The following GORASP1 variants were observed in gnomAD, a reference collection of about 807,000 sequenced individuals.
The protein encoded by GORASP1 is golgi reassembly stacking protein 1.
A neutral mutation model predicts 37.7 loss-of-function variants in GORASP1; 31 were observed. The ratio of observed to expected loss-of-function variants is 0.82; its 90% CI spans 0.62 to 1.11. The LOEUF (loss-of-function observed/expected upper bound fraction) is 1.11. Ranked by LOEUF, GORASP1 falls within the 50% of genes least tolerant of loss-of-function variation. The pLI is 0.00. For synonymous variants in GORASP1, 204 were observed against 224.8 expected (o/e 0.91, Z 0.83); for missense variants, 476 against 560.7 (o/e 0.85, Z 1.53).
Position 39,098,897 on chromosome 3 carries a change from G to C in GORASP1, c.917-4C>G, listed in dbSNP as rs367684622. On this transcript the variant is annotated splice_region_variant and splice_polypyrimidine_tract_variant and intron_variant, in intron 7 of 8. Transcript: ENST00000319283. This position sits in a 1 kb window ranked among gnomAD's most constrained non-coding sequence, Gnocchi z 4.7. Reference sequence around the variant, plus strand: ...ATTCCCGACACGTCCAGGAAGCCTAGGGGAGGGTGGTGCAGTTCTTTGCCA... The same window carrying C: ...ATTCCCGACACGTCCAGGAAGCCTACGGGAGGGTGGTGCAGTTCTTTGCCA... 9 of 1,613,636 alleles carry C rather than the reference G, an allele frequency of 5.6e-6. No individual in the cohort carries two copies. The highest frequency in any genetic ancestry group is 1.6e-4 in the Middle Eastern group (1 of 6,080).
In GORASP1 at chr3:39,098,686, T is replaced by C. The variant is rs2035497373; in HGVS notation, c.1069+55A>G. The C allele has an allele frequency of 6.3e-7, 1 of 1,589,538 alleles. No homozygotes were observed. The highest frequency in any genetic ancestry group is 8.6e-7 in the Non-Finnish European group (1 of 1,167,120). On this transcript the variant is annotated intron_variant, in intron 8 of 8. Coordinates refer to ENST00000319283, the MANE Select transcript of GORASP1 (RefSeq NM_031899.4). This position sits in a 1 kb window ranked among gnomAD's most constrained non-coding sequence, Gnocchi z 4.7. ...CCCAGCTGAGGAATTGAGGGCAGCCTTCCCAACAACCCGGGGTCCTTCCCA... is the reference window on the plus strand; with the variant it reads ...CCCAGCTGAGGAATTGAGGGCAGCCCTCCCAACAACCCGGGGTCCTTCCCA...
Position 39,107,465 on chromosome 3 carries a change from C to A in GORASP1, c.63+14G>T. The A allele has an allele frequency of 7.4e-7, 1 of 1,342,860 alleles. No individual in the cohort carries two copies. Among genetic ancestry groups the A allele is most frequent in the Non-Finnish European group, 9.5e-7 (1 of 1,053,000 alleles). The allele number at this position is 1,342,860 out of a possible 1,614,324, so 83.2% of individuals were successfully genotyped here. Reference sequence around the variant, plus strand: ...CGCCTCGCCAAGGTCACCGGCGCCGCGGCGGCAACTCACCCCGTGGAGGTG... The same window carrying A: ...CGCCTCGCCAAGGTCACCGGCGCCGAGGCGGCAACTCACCCCGTGGAGGTG... On this transcript the variant is annotated intron_variant, in intron 1 of 8. Transcript: ENST00000319283.
chr3:39,099,319 T>TG, intron 7 of GORASP1, 34 bp downstream of exon 7: 3 of 1,612,202 alleles, frequency 1.9e-6, no homozygotes, highest in Non-Finnish European at 2.5e-6. Context: ...GCCCCAAGCC[T>TG]GGGGCCCACT....
chr3:39,100,740 G>T lies in GORASP1; in HGVS notation c.566+7C>A, dbSNP rs549863051. 8 of 1,613,030 alleles carry T rather than the reference G, an allele frequency of 5.0e-6. No individual in the cohort carries two copies. In the Admixed American group the frequency reaches 8.3e-5, roughly 17 times the overall value. ...TGGCCCTGCAGCCCTCCAACCCCAC[G>T]AAGTACCTGCCCTCTCCACCCCAGG... On this transcript the variant is annotated splice_region_variant and intron_variant, in intron 5 of 8. Coordinates refer to ENST00000319283, the MANE Select transcript of GORASP1 (RefSeq NM_031899.4). The surrounding 1 kb of genome is among the most constrained non-coding windows in gnomAD (Gnocchi z 4.6).
rs1367235133 is a variant in GORASP1, at chr3:39,100,031, C to T, written c.765+274G>A. On this transcript the variant is annotated intron_variant, in intron 6 of 8. Transcript: ENST00000319283. The surrounding 1 kb of genome is among the most constrained non-coding windows in gnomAD (Gnocchi z 4.6). ...GTCCAGTTTTGCCACAACTCACAGG[C>T]ACAGCAAGCACCCATCTCTGAGCCT... Among the ~76,000 whole-genome samples, 1 of 152,226 alleles carries T rather than the reference C, an allele frequency of 6.6e-6. No homozygotes were observed. Among genetic ancestry groups the T allele is most frequent in the Non-Finnish European group, 1.5e-5 (1 of 68,044 alleles).
In GORASP1 at chr3:39,096,694, TTTG is replaced by T. The variant is rs2035364233; in HGVS notation, c.*1539_*1541del. ...AAAGTGTAGTACACATTTATTTTCA[TTTG>T]TTATTTTCTTTCATAGCAGATTACA... is the stretch of plus-strand genomic sequence containing the variant. On this transcript the variant is annotated 3_prime_UTR_variant, in exon 9 of 9. Coordinates refer to ENST00000319283, the MANE Select transcript of GORASP1 (RefSeq NM_031899.4). The T allele has an allele frequency of 6.6e-6, 1 of 152,346 alleles. No homozygotes were observed. The highest frequency in any genetic ancestry group is 2.1e-4 in the South Asian group (1 of 4,828). The allele number at this position is 152,346 out of a possible 1,614,324, so 9.4% of individuals were successfully genotyped here.
chr3:39,106,882 G>A, intron 1 of GORASP1: 1 of 291,076 alleles, frequency 3.4e-6, no homozygotes, highest in Non-Finnish European at 7.1e-6. Context: ...CTCCCCAGCT[G>A]CAAACGCTCT....
In GORASP1 at chr3:39,100,548, C is replaced by A; in HGVS notation, c.567-45G>T. ...TTCAATCCAGGGGCTTGTCCCACGG[C>A]CCTCCCTACCTTTGCTATCCCCACC... is the stretch of plus-strand genomic sequence containing the variant. On this transcript the variant is annotated intron_variant, in intron 5 of 8. Coordinates refer to ENST00000319283, the MANE Select transcript of GORASP1 (RefSeq NM_031899.4). This position sits in a 1 kb window ranked among gnomAD's most constrained non-coding sequence, Gnocchi z 4.6. 1 of 1,517,986 alleles carries A rather than the reference C, an allele frequency of 6.6e-7. No individual in the cohort carries two copies. Among genetic ancestry groups the A allele is most frequent in the Non-Finnish European group, 8.8e-7 (1 of 1,132,708 alleles). The allele number at this position is 1,517,986 out of a possible 1,614,324, so 94.0% of individuals were successfully genotyped here. A position where few individuals can be genotyped will look rare whatever the true frequency, so the allele number is the denominator to read the frequency against.
rs567395907 is a variant in GORASP1, at chr3:39,098,349, C to T, written c.1210G>A (p.Ala404Thr). 9 of 1,614,160 alleles carry T rather than the reference C, an allele frequency of 5.6e-6. No homozygotes were observed. The highest frequency in any genetic ancestry group is 4.5e-5 in the East Asian group (2 of 44,878). ...TCAGCCTGAGCTTCAAGCAGCTCGG[C>T]GGACAGCCCATCTTCTGGTGAGGCT... ...SAASPEDGLS[A>T]ELLEAQAEEE... Residue 404 changes from alanine (A) to threonine (T), a missense_variant, in exon 9 of 9, where the codon GCC becomes ACC. By Grantham distance (58) the Ala-to-Thr change is moderately conservative. Transcript: ENST00000319283. The surrounding 1 kb of genome is among the most constrained non-coding windows in gnomAD (Gnocchi z 4.7).
At chr3:39,107,342 G>C in intron 1 of GORASP1, 137 bp downstream of exon 1, 1 of 517,752 alleles carries the variant, frequency 1.9e-6, no homozygotes. Flanking sequence ...CACCGGGCAG[G>C]GGGCACCTCC....
At position 39,100,531 on chromosome 3, in the gene GORASP1, A is replaced by G. The variant is rs2035630265; in HGVS notation, c.567-28T>C. On this transcript the variant is annotated intron_variant, in intron 5 of 8. Transcript: ENST00000319283. The surrounding 1 kb of genome is among the most constrained non-coding windows in gnomAD (Gnocchi z 4.6). ...GCCGAAGGCCAGAAACATTCAATCC[A>G]GGGGCTTGTCCCACGGCCCTCCCTA... The G allele has an allele frequency of 6.5e-7, 1 of 1,539,142 alleles. No homozygotes were observed. Among genetic ancestry groups the G allele is most frequent in the Non-Finnish European group, 8.7e-7 (1 of 1,144,602 alleles).
rs1405219034 is a variant in GORASP1 at position 39,105,798 on chromosome 3, G to A, written c.63+1681C>T. 3.9e-5 allele frequency among the ~76,000 whole-genome samples: 6 copies of A among 152,086 alleles called. No homozygotes were observed. The highest frequency in any genetic ancestry group is 2.6e-4 in the Admixed American group (4 of 15,278). ...CAGGACAACAGGCAAGGTCCTACAC[G>A]GTCTGCTCTGGTCTCCTCCTCACAC... On this transcript the variant is annotated intron_variant, in intron 1 of 8. Coordinates refer to ENST00000319283, the MANE Select transcript of GORASP1 (RefSeq NM_031899.4). The surrounding 1 kb of genome is among the most constrained non-coding windows in gnomAD (Gnocchi z 5.4).
rs1203083192 is a variant in GORASP1, at chr3:39,097,675, G to C, written c.*561C>G. On this transcript the variant is annotated 3_prime_UTR_variant, in exon 9 of 9. Coordinates refer to ENST00000319283, the MANE Select transcript of GORASP1 (RefSeq NM_031899.4). ...AGGAAGAAGAAATATTGTGGTCTGG[G>C]CACAAATGGGTCTCTGCTGAAGGGC... is the stretch of plus-strand genomic sequence containing the variant. 1 of 152,756 alleles carries C rather than the reference G, an allele frequency of 6.5e-6. No individual in the cohort carries two copies. The highest frequency in any genetic ancestry group is 1.5e-5 in the Non-Finnish European group (1 of 68,534). The allele number at this position is 152,756 out of a possible 1,614,324, so 9.5% of individuals were successfully genotyped here. A position where few individuals can be genotyped will look rare whatever the true frequency, so the allele number is the denominator to read the frequency against.
At chr3:39,106,368 C>T (rs2036091366) in intron 1 of GORASP1, among the ~76,000 whole-genome samples, 1 of 152,142 alleles carries the variant, frequency 6.6e-6, no homozygotes, top group South Asian at 2.1e-4. Flanking sequence ...TCCTGAGTTC[C>T]TTTGCCTTTA....
chr3:39,101,038 C>A lies in GORASP1; in HGVS notation c.413G>T (p.Gly138Val). ...GLRPYTDYVV[G>V]SDQILQESED... ...CACCTCCTGGAGAATCTGGTCCGAA[C>A]CAACCACATAGTCTGTGTAGGGGCG... The change falls in exon 4 of 9, where the codon GGT (glycine) becomes GTT (valine). Residue 138 changes from glycine (G) to valine (V), a missense_variant. Physicochemically the swap from Gly to Val is moderately radical, Grantham distance 109. Transcript: ENST00000319283. The A allele has an allele frequency of 6.2e-7, 1 of 1,614,178 alleles. No individual in the cohort carries two copies. Among genetic ancestry groups the A allele is most frequent in the South Asian group, 1.1e-5 (1 of 91,088 alleles).
chr3:39,101,669 T>C, intron 3 of GORASP1: 2 of 430,728 alleles, frequency 4.6e-6, no homozygotes, highest in East Asian at 7.1e-5. Context: ...CCAGTCTCCC[T>C]GGGAAATGCA....
In GORASP1 at chr3:39,098,587, G is replaced by A. The variant is rs753236115; in HGVS notation, c.1070-98C>T. On this transcript the variant is annotated intron_variant, in intron 8 of 8. Coordinates refer to ENST00000319283, the MANE Select transcript of GORASP1 (RefSeq NM_031899.4). The surrounding 1 kb of genome is among the most constrained non-coding windows in gnomAD (Gnocchi z 4.7). The stretch of plus-strand genomic sequence containing the variant: ...CCGACCGCTCCCCATTGCCACTCCA[G>A]GTTTGATGGGGGATTGGAGATGGAG... 22 of 1,510,348 alleles carry A rather than the reference G, an allele frequency of 1.5e-5. No individual in the cohort carries two copies. Among genetic ancestry groups the A allele is most frequent in the Non-Finnish European group, 1.9e-5 (21 of 1,118,256 alleles). The allele number at this position is 1,510,348 out of a possible 1,614,324, so 93.6% of individuals were successfully genotyped here.
chr3:39,106,637 G>A (rs1331538855), intron 1 of GORASP1, among the ~76,000 whole-genome samples: 1 of 152,114 alleles, frequency 6.6e-6, no homozygotes, highest in East Asian at 1.9e-4. Context: ...CTTTCACTAG[G>A]GAAAGGGGGG....
chr3:39,102,543 C>A lies in GORASP1; in HGVS notation c.348+135G>T. The A allele has an allele frequency of 1.2e-6, 1 of 815,666 alleles. No individual in the cohort carries two copies. 50.5% of individuals were successfully genotyped at this position (815,666 alleles called of 1,614,324 possible). ...CTGGAATGAGACCACATCCTGCCCT[C>A]AGTCTTCCCTGGCCACTGCTCCAAG... On this transcript the variant is annotated intron_variant, in intron 3 of 8. Coordinates refer to ENST00000319283, the MANE Select transcript of GORASP1 (RefSeq NM_031899.4). The surrounding 1 kb of genome is among the most constrained non-coding windows in gnomAD (Gnocchi z 5.0).
Sources: gnomAD v4.1 joint callset for allele counts (sites outside exome capture counted in the v4.1 genomes callset) on GRCh38, gnomAD v4.1.1 for gene constraint, Gnocchi (gnomAD v3.1) non-coding constraint, MANE v1.5 for transcripts, NCBI Gene and HGNC (gene_info 2026-07-23, HGNC 2026-07-21) for gene names.